Variants in STXBP5 observed in about 807,000 individuals in gnomAD.
STXBP5 encodes syntaxin-binding protein 5.
In STXBP5, 50 loss-of-function variants were observed where a neutral mutation model predicts 152.4. That is an observed-to-expected ratio of 0.33 (90% CI 0.26 to 0.42). STXBP5 has a LOEUF of 0.42. STXBP5 is among the 10% of genes least tolerant of loss of function. The pLI is 1.00. For missense variants in STXBP5, 1,167 were observed against 1,388.6 expected (o/e 0.84, Z 2.54); for synonymous variants, 492 against 494.7 (o/e 0.99, Z 0.07).
chr6:147,349,365 C>T (rs1784486819), intron 21 of STXBP5, among the ~76,000 whole-genome samples: 1 of 152,088 alleles, frequency 6.6e-6, no homozygotes, highest in African/African-American at 2.4e-5. Flanking sequence ...GCATGCATGT[C>T]CTTTTTGGGG....
chr6:147,319,828 C>CTTTT (rs55948948), intron 16 of STXBP5, among the ~76,000 whole-genome samples: 1 of 71,596 alleles, frequency 1.4e-5, no homozygotes, highest in Non-Finnish European at 2.5e-5. Context: ...TATCTGGATT[C>CTTTT]TTTTTTTTTT....
At position 147,217,219 on chromosome 6, in the gene STXBP5, A is replaced by G. The variant is rs571308309; in HGVS notation, c.248+11151A>G. Among the ~76,000 whole-genome samples the G allele has an allele frequency of 4.6e-5, 7 of 152,322 alleles. No individual in the cohort carries two copies. In the South Asian group the frequency reaches 1.5e-3, roughly 32 times the overall value. On this transcript the variant is annotated intron_variant, in intron 2 of 27. Coordinates refer to ENST00000321680, the MANE Select transcript of STXBP5 (RefSeq NM_001127715.4). ...TCTCTTTTTGTCTTTTGAAAAGGAAAAAAAAAAGTGTTGAAACAGATTTTT... is the reference window on the plus strand; with the variant it reads ...TCTCTTTTTGTCTTTTGAAAAGGAAGAAAAAAAGTGTTGAAACAGATTTTT...
At chr6:147,291,555 C>T (rs548694235) in intron 9 of STXBP5, among the ~76,000 whole-genome samples, 1 of 151,944 alleles carries the variant, frequency 6.6e-6, no homozygotes, top group African/African-American at 2.4e-5. Context: ...TATATGTATT[C>T]TTCAGAAATT....
At chr6:147,240,050 C>G (rs1468750199) in intron 4 of STXBP5, among the ~76,000 whole-genome samples, 1 of 151,724 alleles carries the variant, frequency 6.6e-6, no homozygotes. Flanking sequence ...TCAAGTGATT[C>G]TCATGCCTCA....
intron 9 of STXBP5, chr6:147,292,228 A>G (rs1410871530): frequency 6.6e-6 from 3 of 452,724 alleles, no homozygotes; most frequent in East Asian, 1.4e-4. Context: ...AAATGTCGTT[A>G]TCTTTTCCTT....
chr6:147,276,249 T>C (rs978170711), intron 7 of STXBP5, among the ~76,000 whole-genome samples: 1 of 152,208 alleles, frequency 6.6e-6, no homozygotes, highest in African/African-American at 2.4e-5. Context: ...GATTTGCATA[T>C]AGAAAATTGT....
At chr6:147,350,936 AG>A (rs1349076991) in intron 21 of STXBP5, among the ~76,000 whole-genome samples, 14 of 152,176 alleles carry the variant, frequency 9.2e-5, no homozygotes, top group Admixed American at 2.0e-4. Context: ...CACATGTAGT[AG>A]TTAGTTAAAG....
chr6:147,382,124 G>T (rs1380390038), intron 26 of STXBP5, among the ~76,000 whole-genome samples: 1 of 152,154 alleles, frequency 6.6e-6, no homozygotes, highest in African/African-American at 2.4e-5. Context: ...TAAGACTTTT[G>T]CAGTGATCTA....
At chr6:147,320,088 G>A (rs1019101711) in intron 16 of STXBP5, among the ~76,000 whole-genome samples, 11 of 151,758 alleles carry the variant, frequency 7.2e-5, no homozygotes, top group Admixed American at 2.0e-4. Context: ...TGCCTGCCTC[G>A]GCCTCCCAAA....
chr6:147,372,143 C>T (rs916807385), intron 25 of STXBP5, among the ~76,000 whole-genome samples: 19 of 152,006 alleles, frequency 1.2e-4, no homozygotes, highest in African/African-American at 4.3e-4. Flanking sequence ...AAAATAAAAA[C>T]GTAAGAGCTT....
chr6:147,242,112 G>A (rs1778575843), intron 4 of STXBP5, among the ~76,000 whole-genome samples: 1 of 151,314 alleles, frequency 6.6e-6, no homozygotes, highest in Admixed American at 6.6e-5. Flanking sequence ...AAGACAGTGA[G>A]ATTGATGATC....
At chr6:147,360,391 C>G (rs962844209) in intron 23 of STXBP5, among the ~76,000 whole-genome samples, 16 of 152,270 alleles carry the variant, frequency 1.1e-4, no homozygotes, top group Admixed American at 1.0e-3. Flanking sequence ...AGACTTGGAA[C>G]CAACACAAAT....
chr6:147,352,364 G>A (rs1364422449), intron 21 of STXBP5, among the ~76,000 whole-genome samples: 2 of 152,154 alleles, frequency 1.3e-5, no homozygotes, highest in African/African-American at 2.4e-5. Context: ...AGCCAGGCAC[G>A]GTGGGTCACT....
chr6:147,366,001 CAGAT>C (rs1038663373), intron 25 of STXBP5, among the ~76,000 whole-genome samples: 6 of 152,162 alleles, frequency 3.9e-5, no homozygotes, highest in Non-Finnish European at 5.9e-5. Context: ...TAATTTCTGA[CAGAT>C]AGGAATCAAA....
intron 25 of STXBP5, among the ~76,000 whole-genome samples, chr6:147,371,256 T>C (rs1394575943): frequency 6.6e-6 from 1 of 152,026 alleles, no homozygotes; most frequent in African/African-American, 2.4e-5. Flanking sequence ...CTTATTTAAA[T>C]AGAAGTGAAA....
chr6:147,233,873 C>G (rs1052202116), intron 2 of STXBP5, among the ~76,000 whole-genome samples: 23 of 149,928 alleles, frequency 1.5e-4, no homozygotes, highest in Non-Finnish European at 3.3e-4. Context: ...ACTACTACTA[C>G]TACTATTACT....
intron 5 of STXBP5, among the ~76,000 whole-genome samples, chr6:147,261,284 A>G (rs1002590135): frequency 2.0e-5 from 3 of 151,982 alleles, no homozygotes; most frequent in African/African-American, 7.2e-5. Flanking sequence ...GATTGTTTTC[A>G]TTTACTAATA....
At position 147,382,933 on chromosome 6, in the gene STXBP5, G is replaced by T; in HGVS notation, c.3349G>T (p.Asp1117Tyr). 6.2e-7 allele frequency: 1 copy of T among 1,613,460 alleles called. No individual in the cohort carries two copies. The highest frequency in any genetic ancestry group is 8.5e-7 in the Non-Finnish European group (1 of 1,179,644). ...ALDERGQKLG[D>Y]LEERTAAMLS... ...AGATGAAAGAGGGCAGAAACTTGGC[G>T]ATCTGGAAGAAAGAACTGCGGCCAT... The change falls in exon 27 of 28, where the codon GAT (aspartate) becomes TAT (tyrosine). Residue 1117 changes from aspartate to tyrosine, a missense_variant. This residue lies in a region of STXBP5 where 833 missense variants were observed against 986.3 expected (regional missense o/e 0.84). Transcript: ENST00000321680.
At chr6:147,286,294 C>A (rs946949763) in intron 8 of STXBP5, among the ~76,000 whole-genome samples, 4 of 152,068 alleles carry the variant, frequency 2.6e-5, no homozygotes, top group Admixed American at 1.3e-4. Context: ...ACCATTTCTT[C>A]ATAAGGAGGG....
Sources: allele counts gnomAD v4.1 joint callset (sites outside exome capture counted in the v4.1 genomes callset), GRCh38; gene constraint gnomAD v4.1.1; regional missense constraint gnomAD v4.1.1; transcripts MANE v1.5; gene names NCBI Gene and HGNC (gene_info 2026-07-23, HGNC 2026-07-21).